Variants in HPCAL1 observed in about 807,000 individuals in gnomAD.
The protein encoded by HPCAL1 is hippocalcin-like protein 1.
Under a neutral mutation model 17.1 loss-of-function variants are expected in HPCAL1, and 8 were observed. The ratio of observed to expected loss-of-function variants is 0.47; its 90% CI spans 0.27 to 0.84. The LOEUF (loss-of-function observed/expected upper bound fraction) is 0.84. Among genes scored for constraint, HPCAL1 ranks in the 40% least tolerant of loss-of-function variants. The pLI, the probability that HPCAL1 is intolerant of heterozygous loss-of-function variation, is 0.13. For missense variants in HPCAL1, 165 were observed against 271.1 expected (o/e 0.61, Z 2.75); for synonymous variants, 112 against 111.4 (o/e 1.01, Z -0.03).
rs184322503 is a variant in HPCAL1 at position 10,364,761 on chromosome 2, T to A, written c.-110-32074T>A. On this transcript the variant is annotated intron_variant, in intron 1 of 4. Transcript: ENST00000307845. ...CCCCCACACCAGACTAATTTTTGTA[T>A]ATTTTGTAGAGATGAGTTTTGCCAT... Among the ~76,000 whole-genome samples the A allele has an allele frequency of 4.8e-3, 728 of 152,210 alleles. 4 individuals are homozygous for A. The highest frequency in any genetic ancestry group is 8.2e-3 in the Non-Finnish European group (558 of 68,006).
At chr2:10,315,990 G>C (rs1663289661) in intron 1 of HPCAL1, among the ~76,000 whole-genome samples, 1 of 152,214 alleles carries the variant, frequency 6.6e-6, no homozygotes, top group African/African-American at 2.4e-5. Flanking sequence ...CTGGGCAACA[G>C]AGTGAGACTT....
chr2:10,420,723 C>T (rs1671012214), intron 3 of HPCAL1, among the ~76,000 whole-genome samples: 1 of 152,202 alleles, frequency 6.6e-6, no homozygotes, highest in Non-Finnish European at 1.5e-5. Flanking sequence ...CTGCATTTTA[C>T]AAAGTCTGAG....
intron 1 of HPCAL1, among the ~76,000 whole-genome samples, chr2:10,340,534 TC>T: frequency 6.6e-6 from 1 of 152,144 alleles, no homozygotes; most frequent in Non-Finnish European, 1.5e-5. Context: ...CGCAGGAACA[TC>T]CCAGGAGGGG....
At chr2:10,339,890 T>C (rs1048945115) in intron 1 of HPCAL1, among the ~76,000 whole-genome samples, 2 of 152,220 alleles carry the variant, frequency 1.3e-5, no homozygotes, top group Admixed American at 6.5e-5. Flanking sequence ...AGCCCCTGCG[T>C]GCGCCCAGCG....
chr2:10,333,050 A>G (rs74990494), intron 1 of HPCAL1, among the ~76,000 whole-genome samples: 21,224 of 149,278 alleles, frequency 0.14, 1,593 homozygotes, highest in South Asian at 0.24. Flanking sequence ...TGTGGGGCAC[A>G]GTGGGCCCTG....
intron 1 of HPCAL1, among the ~76,000 whole-genome samples, chr2:10,360,156 G>C (rs537459166): frequency 6.6e-6 from 1 of 152,120 alleles, no homozygotes; most frequent in African/African-American, 2.4e-5. Flanking sequence ...ACTCTGCTGC[G>C]GTCTCCAGGA....
At chr2:10,426,648 G>C (rs2148054408) in intron 4 of HPCAL1, 76 bp from the exon 5 acceptor site, 1 of 1,186,344 alleles carries the variant, frequency 8.4e-7, no homozygotes, top group East Asian at 2.3e-5. Flanking sequence ...CCTGACCTGA[G>C]AGCTGTCCCC....
intron 1 of HPCAL1, among the ~76,000 whole-genome samples, chr2:10,360,376 CAG>C (rs1255711248): frequency 1.3e-5 from 2 of 152,066 alleles, no homozygotes; most frequent in Admixed American, 1.3e-4. Flanking sequence ...AAAACAGAAA[CAG>C]AACAGAACCT....
At chr2:10,385,898 G>A (rs1298783291) in intron 1 of HPCAL1, among the ~76,000 whole-genome samples, 2 of 127,494 alleles carry the variant, frequency 1.6e-5, no homozygotes, top group Non-Finnish European at 1.5e-5. Flanking sequence ...GCCTCGTGTC[G>A]GGGGGTGTCC....
chr2:10,399,238 C>T (rs866695935), intron 2 of HPCAL1, among the ~76,000 whole-genome samples: 25 of 77,658 alleles, frequency 3.2e-4, no homozygotes, highest in African/African-American at 4.2e-4. Flanking sequence ...ACCACCACCA[C>T]CATCACCACC....
At chr2:10,371,156 G>A (rs1201201760) in intron 1 of HPCAL1, among the ~76,000 whole-genome samples, 1 of 152,192 alleles carries the variant, frequency 6.6e-6, no homozygotes, top group Non-Finnish European at 1.5e-5. Context: ...GGCGGGTTTG[G>A]GGTGGCATGT....
At chr2:10,378,223 G>GTTTTTTTTT (rs58697364) in intron 1 of HPCAL1, among the ~76,000 whole-genome samples, 10 of 96,280 alleles carry the variant, frequency 1.0e-4, no homozygotes, top group Non-Finnish European at 1.4e-4. Flanking sequence ...GTGGTTTCAT[G>GTTTTTTTTT]TTTTTTTTTT....
intron 1 of HPCAL1, among the ~76,000 whole-genome samples, chr2:10,374,564 G>A (rs1043123044): frequency 1.3e-5 from 2 of 152,234 alleles, no homozygotes; most frequent in Non-Finnish European, 2.9e-5. Flanking sequence ...GGGCCCATGC[G>A]GGGGACAGGG....
At chr2:10,388,224 G>A (rs1015966069) in intron 1 of HPCAL1, among the ~76,000 whole-genome samples, 7 of 152,210 alleles carry the variant, frequency 4.6e-5, no homozygotes, top group African/African-American at 7.2e-5. Flanking sequence ...CCCCGGGGCC[G>A]TCGGCATTTC....
intron 1 of HPCAL1, among the ~76,000 whole-genome samples, chr2:10,369,884 G>T (rs1667102533): frequency 6.6e-6 from 1 of 152,236 alleles, no homozygotes; most frequent in Non-Finnish European, 1.5e-5. Flanking sequence ...GCTGCCCCCA[G>T]TGTGTCCTTG....
At chr2:10,341,234 C>T (rs767672860) in intron 1 of HPCAL1, among the ~76,000 whole-genome samples, 8 of 151,782 alleles carry the variant, frequency 5.3e-5, no homozygotes, top group Admixed American at 2.0e-4. Flanking sequence ...CTGAGGTGGG[C>T]GGATCATTTG....
At chr2:10,333,407 C>T (rs947371435) in intron 1 of HPCAL1, among the ~76,000 whole-genome samples, 13 of 152,126 alleles carry the variant, frequency 8.5e-5, no homozygotes, top group Non-Finnish European at 1.6e-4. Flanking sequence ...GGAGGCCATT[C>T]CCTCCAGGGA....
chr2:10,409,791 T>G (rs1485004737), intron 2 of HPCAL1, among the ~76,000 whole-genome samples: 1 of 134,268 alleles, frequency 7.4e-6, no homozygotes, highest in African/African-American at 2.9e-5. Flanking sequence ...TTTTTTTTTT[T>G]TTTTTTTTTT....
intron 1 of HPCAL1, among the ~76,000 whole-genome samples, chr2:10,358,604 G>T (rs1666329403): frequency 6.6e-6 from 1 of 152,232 alleles, no homozygotes; most frequent in African/African-American, 2.4e-5. Context: ...GACACACGTG[G>T]CTGGATATCA....
Sources: allele counts gnomAD v4.1 joint callset (sites outside exome capture counted in the v4.1 genomes callset), GRCh38; gene constraint gnomAD v4.1.1; transcripts MANE v1.5; gene names NCBI Gene and HGNC (gene_info 2026-07-23, HGNC 2026-07-21).